The following CDH2 variants were observed in gnomAD, a reference collection of about 807,000 sequenced individuals.
The protein encoded by CDH2 is cadherin 2.
In CDH2, 17 loss-of-function variants were observed where a neutral mutation model predicts 92.0. The ratio of observed to expected loss-of-function variants is 0.18; its 90% CI spans 0.13 to 0.28. The LOEUF is 0.28. Among genes scored for constraint, CDH2 ranks in the 10% least tolerant of loss-of-function variants. The pLI, the probability that CDH2 is intolerant of heterozygous loss-of-function variation, is 1.00. For missense variants in CDH2, 862 were observed against 1,133.1 expected, an observed-to-expected ratio of 0.76 and a Z score of 3.44; for synonymous variants, 419 against 415.9, an observed-to-expected ratio of 1.01 and a Z score of -0.09.
downstream of CDH2, among the ~76,000 whole-genome samples, chr18:27,947,213 G>A (rs912469210): frequency 4.0e-5 from 6 of 151,522 alleles, no homozygotes; most frequent in Non-Finnish European, 8.9e-5. Flanking sequence ...AGTAACAGGA[G>A]AAATAAAAGT....
At chr18:28,153,344 C>T (rs927743417) in intron 1 of CDH2, among the ~76,000 whole-genome samples, 1 of 152,074 alleles carries the variant, frequency 6.6e-6, no homozygotes, top group Non-Finnish European at 1.5e-5. Flanking sequence ...TTAGGGGGAG[C>T]AATTTATATT....
intron 1 of CDH2, among the ~76,000 whole-genome samples, chr18:28,165,947 G>C (rs1194557889): frequency 6.6e-6 from 1 of 151,274 alleles, no homozygotes; most frequent in Non-Finnish European, 1.5e-5. Context: ...ACAAAATCCA[G>C]GGGACAAAAT....
At chr18:28,014,459 G>C (rs769159935) in intron 2 of CDH2, among the ~76,000 whole-genome samples, 4 of 152,092 alleles carry the variant, frequency 2.6e-5, no homozygotes, top group Non-Finnish European at 4.4e-5. Context: ...AATGCTTACA[G>C]GAAGAAAGCA....
intron 1 of CDH2, among the ~76,000 whole-genome samples, chr18:28,175,610 G>T (rs1488881100): frequency 6.6e-6 from 1 of 152,034 alleles, no homozygotes; most frequent in Non-Finnish European, 1.5e-5. Flanking sequence ...CCCTGCCCCC[G>T]CCCCAGCAGC....
chr18:28,133,305 C>T lies in CDH2; in HGVS notation c.172+14368G>A, dbSNP rs980476443. 8.6e-5 allele frequency among the ~76,000 whole-genome samples: 13 copies of T among 151,970 alleles called. 1 individual carries two copies. Among genetic ancestry groups the T allele is most frequent in the South Asian group, 4.2e-4 (2 of 4,818 alleles). ...AATTTATAATAAGAACTTGGCCGGC[C>T]GGGCGTGATGGCTCATGCCTGTAAT... On this transcript the variant is annotated intron_variant, in intron 2 of 15. Coordinates refer to ENST00000269141, the MANE Select transcript of CDH2 (RefSeq NM_001792.5).
At chr18:28,061,042 T>C (rs1007694438) in intron 2 of CDH2, among the ~76,000 whole-genome samples, 3 of 152,208 alleles carry the variant, frequency 2.0e-5, no homozygotes, top group African/African-American at 7.2e-5. Flanking sequence ...AGTTAAACTT[T>C]CTTTTGCCTT....
At chr18:28,047,480 G>C (rs1237946692) in intron 2 of CDH2, among the ~76,000 whole-genome samples, 1 of 152,088 alleles carries the variant, frequency 6.6e-6, no homozygotes, top group Admixed American at 6.5e-5. Flanking sequence ...CACTTCAGTA[G>C]GTATCAGAAC....
intron 11 of CDH2, among the ~76,000 whole-genome samples, chr18:27,986,757 A>G (rs948205643): frequency 6.6e-6 from 1 of 152,230 alleles, no homozygotes; most frequent in African/African-American, 2.4e-5. Context: ...AAGAGCAGGG[A>G]GAGTTGAACT....
rs568641432 is a variant in CDH2 at position 28,149,638 on chromosome 18, C to T, written c.61-1854G>A. On this transcript the variant is annotated intron_variant, in intron 1 of 15. Transcript: ENST00000269141. ...GATAACATAATGTTTTGAACACATA[C>T]TTATGTAAGAAGAAAAGGAAAACAG... 2.6e-5 allele frequency among the ~76,000 whole-genome samples: 4 copies of T among 152,060 alleles called. No individual in the cohort carries two copies. The South Asian group carries it at 8.3e-4, about 32-fold the overall frequency.
chr18:27,950,293 T>G (rs1005998228), downstream of CDH2, among the ~76,000 whole-genome samples: 2 of 152,150 alleles, frequency 1.3e-5, no homozygotes, highest in Non-Finnish European at 2.9e-5. Flanking sequence ...TATGGTGTGA[T>G]GATTAAGAAA....
At chr18:28,125,576 A>G (rs1182935613) in intron 2 of CDH2, among the ~76,000 whole-genome samples, 1 of 152,164 alleles carries the variant, frequency 6.6e-6, no homozygotes, top group East Asian at 1.9e-4. Flanking sequence ...ACATGTAAAC[A>G]TTAAGCGTAA....
intron 2 of CDH2, among the ~76,000 whole-genome samples, chr18:28,094,563 G>C (rs2015092617): frequency 6.6e-6 from 1 of 151,760 alleles, no homozygotes; most frequent in African/African-American, 2.4e-5. Context: ...AGGAGGCTGA[G>C]GCGGGCGGAT....
chr18:27,971,423 T>C (rs950593067), intron 14 of CDH2, among the ~76,000 whole-genome samples: 5 of 151,874 alleles, frequency 3.3e-5, no homozygotes, highest in Admixed American at 6.6e-5. Context: ...TATAGAAAAT[T>C]TGTAATCAGC....
intron 14 of CDH2, among the ~76,000 whole-genome samples, chr18:27,969,782 C>T (rs1161525612): frequency 1.3e-5 from 2 of 152,114 alleles, no homozygotes; most frequent in South Asian, 2.1e-4. Context: ...TTTGGGAGGC[C>T]GAGGCGGGTG....
At chr18:28,044,222 G>A (rs2014023998) in intron 2 of CDH2, among the ~76,000 whole-genome samples, 1 of 152,060 alleles carries the variant, frequency 6.6e-6, no homozygotes, top group Non-Finnish European at 1.5e-5. Context: ...TAGCCTCTTG[G>A]ACATTTGAAC....
At chr18:28,176,738 G>A (rs1251465539) in intron 1 of CDH2, among the ~76,000 whole-genome samples, 2 of 151,792 alleles carry the variant, frequency 1.3e-5, no homozygotes, top group Non-Finnish European at 2.9e-5. Flanking sequence ...CTAGAGCCCC[G>A]CCAGGAAAGG....
At chr18:27,948,990 T>A (rs1909344449), downstream of CDH2, among the ~76,000 whole-genome samples, 1 of 151,946 alleles carries the variant, frequency 6.6e-6, no homozygotes, top group African/African-American at 2.4e-5. Flanking sequence ...TTACCAGGAA[T>A]GGCCTAGAAA....
At position 28,021,468 on chromosome 18, in the gene CDH2, AT is replaced by A. The variant is rs1409572056; in HGVS notation, c.173-7560del. 2.6e-5 allele frequency among the ~76,000 whole-genome samples: 4 copies of A among 152,090 alleles called. No homozygotes were observed. The East Asian group carries it at 7.7e-4, about 29-fold the overall frequency. ...CGATTAAATGATTATGGCAAAAAAA[AT>A]CATACTATTAAACAACAAATTTATT... On this transcript the variant is annotated intron_variant, in intron 2 of 15. Transcript: ENST00000269141.
intron 2 of CDH2, among the ~76,000 whole-genome samples, chr18:28,139,925 T>C (rs1344412459): frequency 1.3e-5 from 2 of 151,974 alleles, no homozygotes; most frequent in African/African-American, 4.8e-5. Context: ...CATATCCAAA[T>C]GTCTTCTTGA....
Sources: allele counts gnomAD v4.1 joint callset (sites outside exome capture counted in the v4.1 genomes callset), GRCh38; gene constraint gnomAD v4.1.1; transcripts MANE v1.5; gene names NCBI Gene and HGNC (gene_info 2026-07-23, HGNC 2026-07-21).